CNGB1: variants seen among roughly 807,000 people sequenced by gnomAD.
CNGB1 encodes the protein cyclic nucleotide gated channel subunit beta 1.
Under a neutral mutation model 151.7 loss-of-function variants are expected in CNGB1, and 126 were observed. That is an observed-to-expected ratio of 0.83 (90% CI 0.72 to 0.96). CNGB1 has a LOEUF of 0.96. Among genes scored for constraint, CNGB1 ranks in the 40% least tolerant of loss-of-function variants. CNGB1 has a pLI of 0.00. For synonymous variants in CNGB1, 623 were observed against 635.1 expected, an observed-to-expected ratio of 0.98 and a Z score of 0.29; for missense variants, 1,698 against 1,627.0, an observed-to-expected ratio of 1.04 and a Z score of -0.75.
intron 21 of CNGB1, 21 bp downstream of exon 21, chr16:57,917,247 C>CCT: frequency 6.2e-7 from 1 of 1,605,204 alleles, no homozygotes; most frequent in Non-Finnish European, 8.5e-7. Context: ...GTCACCCCAA[C>CCT]ACCACCTGCC....
chr16:57,933,968 C>T (rs902359150), intron 16 of CNGB1, among the ~76,000 whole-genome samples: 2 of 152,006 alleles, frequency 1.3e-5, no homozygotes, highest in African/African-American at 4.8e-5. Context: ...GGTGATCTGC[C>T]GGCCTTGGCC....
At chr16:57,898,465 C>G (rs1363336335) in intron 29 of CNGB1, among the ~76,000 whole-genome samples, 4 of 152,148 alleles carry the variant, frequency 2.6e-5, no homozygotes, top group African/African-American at 9.7e-5. Flanking sequence ...GCAACCTCTG[C>G]CTCCTGGGTT....
intron 31 of CNGB1, among the ~76,000 whole-genome samples, chr16:57,896,302 G>A (rs1423041364): frequency 1.3e-5 from 2 of 152,148 alleles, no homozygotes; most frequent in East Asian, 1.9e-4. Flanking sequence ...TGCGCCTCTC[G>A]ATACATTTGC....
chr16:57,929,130 A>G (rs1272466138), intron 17 of CNGB1, among the ~76,000 whole-genome samples: 3 of 152,230 alleles, frequency 2.0e-5, no homozygotes, highest in Admixed American at 2.0e-4. Flanking sequence ...AGAAACTCCT[A>G]CACCTCAATA....
At chr16:57,903,775 C>A in intron 27 of CNGB1, 47 bp downstream of exon 27, 4 of 1,612,158 alleles carry the variant, frequency 2.5e-6, no homozygotes. Context: ...CACCAGGCGA[C>A]AGGAGTTGAC....
Position 57,920,422 on chromosome 16 carries a change from G to A in CNGB1, c.1766C>T (p.Pro589Leu). 1.9e-6 allele frequency: 3 copies of A among 1,614,206 alleles called. No individual in the cohort carries two copies. The highest frequency in any genetic ancestry group is 2.5e-6 in the Non-Finnish European group (3 of 1,180,050). The change falls in exon 19 of 33, where the codon CCT becomes CTT. Residue 589 changes from proline to leucine, a missense_variant. Physicochemically the swap from Pro to Leu is moderately conservative, Grantham distance 98. Transcript: ENST00000251102. The stretch of plus-strand genomic sequence containing the variant: ...GCTCTCCTCATCAGAGGTGACGTCA[G>A]GGTCAATGAGTTTCTCCTTCACTTT... ...TEKVKEKLIDPDVTSDEESPK... is the reference protein window; with the variant it reads ...TEKVKEKLIDLDVTSDEESPK...
rs113858912 is a variant in CNGB1, at chr16:57,940,711, A to G, written c.1122-390T>C. On this transcript the variant is annotated intron_variant, in intron 14 of 32. Transcript: ENST00000251102. ...GAGGAGCTGTCATCTGGGGTCTCCCAGTCTCCAGGCAATCTTGGTGATGGG... is the reference window on the plus strand; with the variant it reads ...GAGGAGCTGTCATCTGGGGTCTCCCGGTCTCCAGGCAATCTTGGTGATGGG... Among the ~76,000 whole-genome samples the G allele has an allele frequency of 1.3e-3, 201 of 152,318 alleles. 1 individual carries two copies. The highest frequency in any genetic ancestry group is 3.4e-3 in the Middle Eastern group (1 of 294).
intron 18 of CNGB1, among the ~76,000 whole-genome samples, chr16:57,922,735 A>G (rs1961076078): frequency 6.6e-6 from 1 of 152,160 alleles, no homozygotes; most frequent in South Asian, 2.1e-4. Context: ...GGCCGTCATC[A>G]TAGTGGTTTC....
chr16:57,918,443 C>A (rs552640506), intron 20 of CNGB1, among the ~76,000 whole-genome samples: 32 of 152,276 alleles, frequency 2.1e-4, no homozygotes, highest in Admixed American at 5.9e-4. Context: ...GTGCTATGCA[C>A]ATATGAAGTG....
At position 57,962,967 on chromosome 16, in the gene CNGB1, G is replaced by C; in HGVS notation, c.381+7C>G. On this transcript the variant is annotated splice_region_variant and intron_variant, in intron 5 of 32. Coordinates refer to ENST00000251102, the MANE Select transcript of CNGB1 (RefSeq NM_001297.5). The stretch of plus-strand genomic sequence containing the variant: ...CCGGCCCCTTCAGCCTCCAGCCCCA[G>C]CAGTACCTGAGCCGGGTCCTCCGTG... The C allele has an allele frequency of 6.2e-7, 1 of 1,613,120 alleles. No individual in the cohort carries two copies. The highest frequency in any genetic ancestry group is 8.5e-7 in the Non-Finnish European group (1 of 1,179,982).
At chr16:57,952,819 T>C (rs1399354720) in intron 12 of CNGB1, among the ~76,000 whole-genome samples, 3 of 152,058 alleles carry the variant, frequency 2.0e-5, no homozygotes, top group African/African-American at 4.8e-5. Context: ...TCTTTCCATC[T>C]CCGCAGCAGG....
chr16:57,911,649 C>T (rs1960714336), intron 25 of CNGB1, 104 bp downstream of exon 25: 1 of 1,517,146 alleles, frequency 6.6e-7, no homozygotes. Flanking sequence ...GTGGCCTTGG[C>T]AATACAGCAG....
chr16:57,917,597 AGT>A (rs149118059), intron 20 of CNGB1, 121 bp from the exon 21 acceptor site: 3 of 724,260 alleles, frequency 4.1e-6, no homozygotes, highest in Admixed American at 2.0e-5. Flanking sequence ...CTTTTGTAAG[AGT>A]GTGTGTATGT....
rs868114024 is a variant in CNGB1, at chr16:57,945,903, C to T, written c.1121+3450G>A. On this transcript the variant is annotated intron_variant, in intron 14 of 32. Coordinates refer to ENST00000251102, the MANE Select transcript of CNGB1 (RefSeq NM_001297.5). ...ATCTGCAGGGTTATGAAATCACCCA[C>T]GTGGATTGAGAAACCTTTTGCACAA... 2.0e-5 allele frequency among the ~76,000 whole-genome samples: 3 copies of T among 152,324 alleles called. No individual in the cohort carries two copies. The South Asian group carries it at 6.2e-4, about 32-fold the overall frequency.
At chr16:57,893,456 T>C (rs1054644972) in intron 31 of CNGB1, among the ~76,000 whole-genome samples, 1 of 152,100 alleles carries the variant, frequency 6.6e-6, no homozygotes, top group Non-Finnish European at 1.5e-5. Flanking sequence ...CTGAGCTCTC[T>C]TGTATGACAG....
chr16:57,907,166 G>A (rs77334347), intron 25 of CNGB1, among the ~76,000 whole-genome samples: 4,174 of 152,246 alleles, frequency 0.027, 94 homozygotes, highest in East Asian at 0.072. Flanking sequence ...TCCCGCAGAG[G>A]GCCCTGCAGA....
At chr16:57,932,908 TTTTA>T (rs1477572663) in intron 16 of CNGB1, among the ~76,000 whole-genome samples, 25 of 151,302 alleles carry the variant, frequency 1.7e-4, no homozygotes, top group African/African-American at 6.1e-4. Context: ...TTAAAAATTA[TTTTA>T]TTTGTTTGCT....
At chr16:57,915,431 G>C in intron 22 of CNGB1, 96 bp from the exon 23 acceptor site, 1 of 970,368 alleles carries the variant, frequency 1.0e-6, no homozygotes, top group Non-Finnish European at 1.6e-6. Flanking sequence ...TCCATGGAAA[G>C]GTGAGGTCAG....
chr16:57,923,704 TC>T (rs1961110974), intron 17 of CNGB1, among the ~76,000 whole-genome samples: 1 of 152,154 alleles, frequency 6.6e-6, no homozygotes, highest in Non-Finnish European at 1.5e-5. Context: ...TACCTCAGTT[TC>T]CCCCTCTGTA....
Sources: gnomAD v4.1 joint callset for allele counts (sites outside exome capture counted in the v4.1 genomes callset) on GRCh38, gnomAD v4.1.1 for gene constraint, MANE v1.5 for transcripts, NCBI Gene and HGNC (gene_info 2026-07-23, HGNC 2026-07-21) for gene names.